Variants in RNF220 observed in about 807,000 individuals in gnomAD.
RNF220 encodes ring finger protein 220, also known as E3 ubiquitin-protein ligase RNF220.
RNF220 carries 7 observed loss-of-function variants against 67.1 expected under a neutral mutation model. The observed-to-expected ratio is 0.10, with a 90% confidence interval of 0.06 to 0.20. The LOEUF is 0.20. Ranked by LOEUF, RNF220 falls within the 10% of genes least tolerant of loss-of-function variation. RNF220 has a pLI of 1.00. For synonymous variants in RNF220, 270 were observed against 283.2 expected, an observed-to-expected ratio of 0.95 and a Z score of 0.47; for missense variants, 565 against 740.3, an observed-to-expected ratio of 0.76 and a Z score of 2.75.
intron 5 of RNF220, chr1:44,631,693 G>T: frequency 6.0e-6 from 1 of 165,558 alleles, no homozygotes; most frequent in Non-Finnish European, 1.2e-5. Flanking sequence ...CCTAAGGGCA[G>T]CCGCGAGAAA....
chr1:44,413,716 C>G (rs1368670316), intron 2 of RNF220, among the ~76,000 whole-genome samples: 1 of 152,150 alleles, frequency 6.6e-6, no homozygotes, highest in Non-Finnish European at 1.5e-5. Context: ...CTTAAGAAAA[C>G]TACATCTGAG....
intron 2 of RNF220, among the ~76,000 whole-genome samples, chr1:44,527,836 G>A (rs1324948030): frequency 7.5e-6 from 1 of 133,974 alleles, no homozygotes; most frequent in Non-Finnish European, 1.5e-5. Context: ...TGAGGCAGGA[G>A]AATCTCTTTG....
chr1:44,522,420 T>A (rs1420653223), intron 2 of RNF220, among the ~76,000 whole-genome samples: 4 of 152,132 alleles, frequency 2.6e-5, no homozygotes, highest in Non-Finnish European at 4.4e-5. Flanking sequence ...TGAGGCCCCA[T>A]ACCTATTAGA....
intron 2 of RNF220, among the ~76,000 whole-genome samples, chr1:44,610,255 A>G (rs1487630396): frequency 6.6e-6 from 1 of 152,224 alleles, no homozygotes; most frequent in East Asian, 1.9e-4. Flanking sequence ...TCTCTCAGCT[A>G]AAAATTGTTG....
At chr1:44,448,853 T>A (rs1652370789) in intron 2 of RNF220, among the ~76,000 whole-genome samples, 1 of 152,244 alleles carries the variant, frequency 6.6e-6, no homozygotes, top group Non-Finnish European at 1.5e-5. Flanking sequence ...AAGTGAATGC[T>A]TGATATACCT....
chr1:44,572,931 G>A, intron 2 of RNF220: 1 of 358,560 alleles, frequency 2.8e-6, no homozygotes, highest in South Asian at 2.1e-5. Context: ...AGATCCTCCA[G>A]GTGGAAATCA....
At chr1:44,627,834 A>G (rs1206808430) in intron 5 of RNF220, among the ~76,000 whole-genome samples, 3 of 152,240 alleles carry the variant, frequency 2.0e-5, no homozygotes, top group African/African-American at 7.2e-5. Context: ...AATTAAAGAA[A>G]GGTGTTCTCT....
At chr1:44,434,226 A>G (rs1378907449) in intron 2 of RNF220, among the ~76,000 whole-genome samples, 2 of 152,092 alleles carry the variant, frequency 1.3e-5, no homozygotes, top group African/African-American at 2.4e-5. Context: ...GGAATGTTTG[A>G]GGAGGAGAGA....
chr1:44,609,218 G>A (rs1396029419), intron 2 of RNF220, among the ~76,000 whole-genome samples: 1 of 152,006 alleles, frequency 6.6e-6, no homozygotes, highest in East Asian at 1.9e-4. Flanking sequence ...ACTCTTAAAA[G>A]TCCCAGCCTC....
At chr1:44,593,674 A>T (rs530910906) in intron 2 of RNF220, among the ~76,000 whole-genome samples, 1 of 152,322 alleles carries the variant, frequency 6.6e-6, no homozygotes, top group South Asian at 2.1e-4. Context: ...GTGAGCTAGG[A>T]TCGCCACTGC....
At chr1:44,528,781 A>G (rs1660607178) in intron 2 of RNF220, among the ~76,000 whole-genome samples, 1 of 149,738 alleles carries the variant, frequency 6.7e-6, no homozygotes, top group Admixed American at 6.6e-5. Context: ...CACCTGGCTA[A>G]TTTTGTATTT....
At chr1:44,527,374 A>G (rs996185093) in intron 2 of RNF220, among the ~76,000 whole-genome samples, 2 of 149,962 alleles carry the variant, frequency 1.3e-5, no homozygotes, top group Non-Finnish European at 2.9e-5. Flanking sequence ...GGAGGAAAGG[A>G]AGGAAGGAAG....
intron 8 of RNF220, 91 bp downstream of exon 8, chr1:44,636,253 G>A (rs929320044): frequency 8.5e-6 from 13 of 1,535,322 alleles, no homozygotes; most frequent in East Asian, 2.3e-5. Flanking sequence ...CGAGGCTGGT[G>A]GCTGGTCATC....
At chr1:44,642,580 AGC>A (rs1644518871) in intron 8 of RNF220, among the ~76,000 whole-genome samples, 1 of 152,198 alleles carries the variant, frequency 6.6e-6, no homozygotes, top group African/African-American at 2.4e-5. Flanking sequence ...AGACCACAGT[AGC>A]TCTGTTTAAT....
At chr1:44,550,641 C>A (rs904447265) in intron 2 of RNF220, among the ~76,000 whole-genome samples, 4 of 152,172 alleles carry the variant, frequency 2.6e-5, no homozygotes, top group Non-Finnish European at 5.9e-5. Context: ...AAAATCATGG[C>A]AGCTCAGGAC....
chr1:44,490,621 A>G (rs1656771491), intron 2 of RNF220, among the ~76,000 whole-genome samples: 1 of 152,118 alleles, frequency 6.6e-6, no homozygotes, highest in Non-Finnish European at 1.5e-5. Context: ...ATAGCTGTAA[A>G]TGCCTATACT....
intron 1 of RNF220, among the ~76,000 whole-genome samples, chr1:44,410,389 A>ATCAT (rs1647842779): frequency 1.3e-5 from 2 of 152,350 alleles, no homozygotes; most frequent in South Asian, 4.1e-4. Flanking sequence ...TCCTTGGCAG[A>ATCAT]TCATTCCCTG....
intron 5 of RNF220, among the ~76,000 whole-genome samples, chr1:44,628,889 C>T (rs1006402866): frequency 2.6e-5 from 4 of 152,318 alleles, no homozygotes; most frequent in Non-Finnish European, 5.9e-5. Flanking sequence ...GTTATTGCCC[C>T]GTCACCCTAC....
At chr1:44,549,278 T>C (rs1322830372) in intron 2 of RNF220, among the ~76,000 whole-genome samples, 1 of 152,206 alleles carries the variant, frequency 6.6e-6, no homozygotes, top group Admixed American at 6.5e-5. Context: ...TTCATTTCAT[T>C]AGCCCCAGTC....
Sources: gnomAD v4.1 joint callset for allele counts (sites outside exome capture counted in the v4.1 genomes callset) on GRCh38, gnomAD v4.1.1 for gene constraint, MANE v1.5 for transcripts, NCBI Gene and HGNC (gene_info 2026-07-23, HGNC 2026-07-21) for gene names.